Variants in ANK2 observed in about 807,000 individuals in gnomAD.
ANK2 encodes ankyrin-2.
Under a neutral mutation model 360.5 loss-of-function variants are expected in ANK2, and 83 were observed. That is an observed-to-expected ratio of 0.23 (90% CI 0.19 to 0.28). ANK2 has a LOEUF of 0.28. Among genes scored for constraint, ANK2 ranks in the 10% least tolerant of loss-of-function variants. The pLI is 1.00. For missense variants in ANK2, 4,201 were observed against 4,795.7 expected, an observed-to-expected ratio of 0.88 and a Z score of 3.66; for synonymous variants, 1,740 against 1,759.5, an observed-to-expected ratio of 0.99 and a Z score of 0.28.
chr4:113,161,237 C>T (rs113093146), intron 1 of ANK2, among the ~76,000 whole-genome samples: 16 of 152,272 alleles, frequency 1.1e-4, no homozygotes, highest in African/African-American at 3.1e-4. Context: ...CCTCAGAAGA[C>T]GTTCAGATAT....
intron 1 of ANK2, among the ~76,000 whole-genome samples, chr4:113,079,991 C>T (rs1258337634): frequency 6.6e-6 from 1 of 151,350 alleles, no homozygotes; most frequent in Non-Finnish European, 1.5e-5. Flanking sequence ...CTCTGCCTCC[C>T]GGGTTTAAGG....
intron 2 of ANK2, among the ~76,000 whole-genome samples, chr4:112,992,344 A>G (rs2047107457): frequency 6.6e-6 from 1 of 152,066 alleles, no homozygotes; most frequent in African/African-American, 2.4e-5. Context: ...GTGTTTCACC[A>G]TGTTGGGCAG....
intron 1 of ANK2, among the ~76,000 whole-genome samples, chr4:112,851,883 A>G (rs1274356184): frequency 1.3e-5 from 2 of 152,152 alleles, no homozygotes; most frequent in African/African-American, 4.8e-5. Flanking sequence ...TGGCCTCCCA[A>G]AGTGTTGGGA....
chr4:112,941,346 G>A (rs1050551831), intron 2 of ANK2, among the ~76,000 whole-genome samples: 4 of 144,526 alleles, frequency 2.8e-5, no homozygotes, highest in Non-Finnish European at 6.0e-5. Flanking sequence ...CATATAAAAA[G>A]TTATATATTA....
At position 113,293,415 on chromosome 4, in the gene ANK2, TCTCTCTCTTTCA is replaced by T; in HGVS notation, c.2377-15_2377-4del. On this transcript the variant is annotated splice_polypyrimidine_tract_variant and intron_variant, in intron 21 of 45. Transcript: ENST00000357077. ...CGCAGTCCTCTCTCTTATTTCTCAC[TCTCTCTCTTTCA>T]CTCTCTCTTCAGAATGGCAACACTG... is the stretch of plus-strand genomic sequence containing the variant. 6.9e-6 allele frequency: 11 copies of T among 1,595,768 alleles called. No individual in the cohort carries two copies. Among genetic ancestry groups the T allele is most frequent in the Non-Finnish European group, 9.4e-6 (11 of 1,165,542 alleles).
chr4:112,832,188 A>G (rs2059930213), intron 1 of ANK2, among the ~76,000 whole-genome samples: 1 of 152,204 alleles, frequency 6.6e-6, no homozygotes, highest in African/African-American at 2.4e-5. Flanking sequence ...AGTGGTTAGG[A>G]CTACAGGCGT....
At chr4:112,788,490 T>C in the ANK2 span, 20 of 1,589,064 alleles carry the variant, frequency 1.3e-5, no homozygotes, top group African/African-American at 2.6e-4. Context: ...ACAGGTGGTC[T>C]CTTGGTGGGG....
intron 1 of ANK2, among the ~76,000 whole-genome samples, chr4:113,134,611 C>T (rs1360764244): frequency 6.6e-6 from 1 of 151,964 alleles, no homozygotes; most frequent in Admixed American, 6.6e-5. Context: ...AACACTTGAT[C>T]TCCAGGTCAG....
chr4:112,713,132 T>A, the ANK2 span, among the ~76,000 whole-genome samples: 3 of 152,224 alleles, frequency 2.0e-5, no homozygotes, highest in Non-Finnish European at 2.9e-5. Context: ...TAAAATTGAT[T>A]TTTTTCAATC....
chr4:113,106,149 T>C (rs17682093), intron 1 of ANK2, among the ~76,000 whole-genome samples: 29,538 of 152,096 alleles, frequency 0.19, 2,943 homozygotes, highest in Non-Finnish European at 0.22. Flanking sequence ...CAGAAAAATA[T>C]CCACTAAACA....
At chr4:113,177,194 C>A (rs2098245152) in intron 2 of ANK2, among the ~76,000 whole-genome samples, 1 of 152,158 alleles carries the variant, frequency 6.6e-6, no homozygotes. Context: ...CATTCTCCTG[C>A]CTCAGCCTCC....
intron 2 of ANK2, among the ~76,000 whole-genome samples, chr4:112,938,633 A>G (rs2154244253): frequency 6.6e-6 from 1 of 152,332 alleles, no homozygotes; most frequent in East Asian, 1.9e-4. Context: ...AGCTAAGTAA[A>G]TTTTTATTCG....
At chr4:113,028,435 C>T (rs1214900743) in intron 2 of ANK2, among the ~76,000 whole-genome samples, 2 of 152,148 alleles carry the variant, frequency 1.3e-5, no homozygotes, top group African/African-American at 4.8e-5. Context: ...CTATGTTGTG[C>T]CAGGCACTGT....
intron 39 of ANK2, among the ~76,000 whole-genome samples, chr4:113,362,651 T>C (rs1172724664): frequency 6.6e-6 from 1 of 152,170 alleles, no homozygotes; most frequent in Non-Finnish European, 1.5e-5. Context: ...GGTTTTTCTA[T>C]GTTGCTCAGG....
intron 1 of ANK2, among the ~76,000 whole-genome samples, chr4:113,069,071 A>AAGAAG (rs1260570044): frequency 6.6e-6 from 1 of 150,864 alleles, no homozygotes; most frequent in African/African-American, 2.5e-5. Flanking sequence ...AAGAAAAGAA[A>AAGAAG]AGAAGAGAAA....
the ANK2 span, among the ~76,000 whole-genome samples, chr4:112,780,914 A>G: frequency 6.6e-6 from 1 of 152,234 alleles, no homozygotes; most frequent in Admixed American, 6.5e-5. Flanking sequence ...AAGCATAACC[A>G]TATAAATTAT....
chr4:113,219,103 CAAT>C (rs2099119921), intron 4 of ANK2, among the ~76,000 whole-genome samples: 1 of 152,016 alleles, frequency 6.6e-6, no homozygotes, highest in African/African-American at 2.4e-5. Context: ...TTAAATTGCT[CAAT>C]ATACCTATTT....
chr4:112,754,137 ATATATATATAT>A, the ANK2 span, among the ~76,000 whole-genome samples: 1 of 144,248 alleles, frequency 6.9e-6, no homozygotes, highest in Admixed American at 7.0e-5. Context: ...ATATATATAT[ATATATATATAT>A]AAAATTGCAT....
At chr4:112,755,917 CTTATTA>C in the ANK2 span, 1,099 of 149,894 alleles carry the variant, frequency 7.3e-3, 17 homozygotes, top group African/African-American at 0.026. Flanking sequence ...TTGGACTACC[CTTATTA>C]TTATTATTAT....
Sources: gnomAD v4.1 joint callset for allele counts (sites outside exome capture counted in the v4.1 genomes callset) on GRCh38, gnomAD v4.1.1 for gene constraint, MANE v1.5 for transcripts, NCBI Gene and HGNC (gene_info 2026-07-23, HGNC 2026-07-21) for gene names.